EPHA6: variants seen among roughly 807,000 people sequenced by gnomAD.
EPHA6 encodes the protein ephrin type-A receptor 6.
In EPHA6, 50 loss-of-function variants were observed where a neutral mutation model predicts 112.0. The ratio of observed to expected loss-of-function variants is 0.45; its 90% CI spans 0.36 to 0.56. The LOEUF is 0.56. Ranked by LOEUF, EPHA6 falls within the 20% of genes least tolerant of loss-of-function variation. The probability of loss-of-function intolerance (pLI) is 0.00; values close to 1 mark genes in which losing one functional copy is unlikely to be tolerated. For missense variants in EPHA6, 1,280 were observed against 1,417.4 expected (o/e 0.90, Z 1.56); for synonymous variants, 529 against 490.7 (o/e 1.08, Z -1.03).
intron 10 of EPHA6, among the ~76,000 whole-genome samples, chr3:97,497,343 A>T (rs1021199517): frequency 2.9e-4 from 44 of 152,148 alleles, no homozygotes; most frequent in African/African-American, 1.0e-3. Flanking sequence ...TATTCTGTCT[A>T]ACTAGGAAGC....
chr3:97,101,800 A>C (rs2047411461), intron 3 of EPHA6, among the ~76,000 whole-genome samples: 1 of 152,110 alleles, frequency 6.6e-6, no homozygotes, highest in African/African-American at 2.4e-5. Context: ...GATTGATTAA[A>C]TATCTTCTTA....
chr3:97,383,033 A>G (rs2085844213), intron 5 of EPHA6, among the ~76,000 whole-genome samples: 1 of 152,160 alleles, frequency 6.6e-6, no homozygotes, highest in South Asian at 2.1e-4. Context: ...AAAGTGCCAC[A>G]TTAATTTTTG....
chr3:97,663,173 A>T (rs897220917), intron 14 of EPHA6, among the ~76,000 whole-genome samples: 8 of 152,178 alleles, frequency 5.3e-5, no homozygotes, highest in Admixed American at 3.9e-4. Context: ...AGAGATCTGG[A>T]GAAGGAACCC....
chr3:97,265,904 T>G (rs2079664600), intron 5 of EPHA6, among the ~76,000 whole-genome samples: 1 of 152,222 alleles, frequency 6.6e-6, no homozygotes, highest in Admixed American at 6.5e-5. Flanking sequence ...CAATAAAACT[T>G]TATTTATAAA....
At chr3:97,332,449 G>GA (rs1291834563) in intron 5 of EPHA6, among the ~76,000 whole-genome samples, 3 of 152,032 alleles carry the variant, frequency 2.0e-5, no homozygotes, top group African/African-American at 7.2e-5. Flanking sequence ...ATTCAATTAG[G>GA]AAAAGAGGAA....
intron 2 of EPHA6, among the ~76,000 whole-genome samples, chr3:96,971,387 A>T (rs183484879): frequency 7.9e-5 from 12 of 152,250 alleles, no homozygotes; most frequent in Admixed American, 6.5e-4. Context: ...AAAAGTTTTA[A>T]GTTTGCCCAA....
intron 14 of EPHA6, among the ~76,000 whole-genome samples, chr3:97,687,537 T>C (rs1439273130): frequency 1.3e-5 from 2 of 152,236 alleles, no homozygotes; most frequent in Non-Finnish European, 2.9e-5. Context: ...TGAGGAGTTA[T>C]GACAAAAGAT....
chr3:97,314,851 A>G (rs1287775208), intron 5 of EPHA6, among the ~76,000 whole-genome samples: 2 of 151,696 alleles, frequency 1.3e-5, no homozygotes, highest in African/African-American at 4.8e-5. Flanking sequence ...AGTCATCAAT[A>G]TCACACATAT....
intron 3 of EPHA6, among the ~76,000 whole-genome samples, chr3:97,071,794 AT>A (rs2046366508): frequency 6.6e-6 from 1 of 151,442 alleles, no homozygotes; most frequent in East Asian, 1.9e-4. Context: ...TTTAATGATT[AT>A]TTTGTGAGAT....
At chr3:97,271,168 T>G (rs2079865724) in intron 5 of EPHA6, among the ~76,000 whole-genome samples, 1 of 152,228 alleles carries the variant, frequency 6.6e-6, no homozygotes, top group South Asian at 2.1e-4. Flanking sequence ...ACACCAGGTG[T>G]TAACCTGGAT....
intron 11 of EPHA6, among the ~76,000 whole-genome samples, chr3:97,547,372 G>A (rs2092967258): frequency 6.6e-6 from 1 of 152,284 alleles, no homozygotes; most frequent in East Asian, 1.9e-4. Flanking sequence ...GGTGGCTACC[G>A]AACAGCAGAT....
chr3:97,613,490 A>G (rs368345963), intron 13 of EPHA6, among the ~76,000 whole-genome samples: 1 of 152,150 alleles, frequency 6.6e-6, no homozygotes, highest in Non-Finnish European at 1.5e-5. Flanking sequence ...TAGCACTACT[A>G]AGTACAAGAT....
intron 10 of EPHA6, among the ~76,000 whole-genome samples, chr3:97,501,497 A>G (rs1169849900): frequency 1.3e-5 from 2 of 152,170 alleles, no homozygotes; most frequent in East Asian, 3.9e-4. Flanking sequence ...GAAATAAATA[A>G]TAGAACAGTA....
At chr3:96,881,918 G>T (rs537082926) in intron 2 of EPHA6, among the ~76,000 whole-genome samples, 1 of 152,204 alleles carries the variant, frequency 6.6e-6, no homozygotes, top group Admixed American at 6.5e-5. Flanking sequence ...TTGACTCCAT[G>T]TCTCACATCC....
At chr3:97,412,702 T>A (rs1009977364) in intron 6 of EPHA6, among the ~76,000 whole-genome samples, 1 of 152,070 alleles carries the variant, frequency 6.6e-6, no homozygotes, top group African/African-American at 2.4e-5. Flanking sequence ...AGTAATTCAA[T>A]TTCCTCAGCA....
At chr3:97,682,017 A>G (rs1009107669) in intron 14 of EPHA6, among the ~76,000 whole-genome samples, 4 of 152,150 alleles carry the variant, frequency 2.6e-5, no homozygotes, top group Non-Finnish European at 5.9e-5. Flanking sequence ...TAATATTTAT[A>G]TGCCAAGCTG....
chr3:97,158,354 G>A (rs146613105), intron 3 of EPHA6, among the ~76,000 whole-genome samples: 116 of 152,210 alleles, frequency 7.6e-4, no homozygotes, highest in Non-Finnish European at 1.4e-3. Flanking sequence ...AACTGGCCAC[G>A]TGGCCATAGC....
At chr3:97,613,955 A>G (rs2107471663) in intron 13 of EPHA6, among the ~76,000 whole-genome samples, 1 of 152,270 alleles carries the variant, frequency 6.6e-6, no homozygotes, top group Middle Eastern at 3.4e-3. Flanking sequence ...GGATTTCATA[A>G]ATACTTTTTG....
intron 5 of EPHA6, among the ~76,000 whole-genome samples, chr3:97,274,796 T>A (rs2080012756): frequency 6.6e-6 from 1 of 151,980 alleles, no homozygotes; most frequent in Non-Finnish European, 1.5e-5. Context: ...GAATATCAGG[T>A]GGATCAGAGA....
Sources: gnomAD v4.1 joint callset for allele counts (sites outside exome capture counted in the v4.1 genomes callset) on GRCh38, gnomAD v4.1.1 for gene constraint, MANE v1.5 for transcripts, NCBI Gene and HGNC (gene_info 2026-07-23, HGNC 2026-07-21) for gene names.